Variants in LTBP1 observed in about 807,000 individuals in gnomAD.
LTBP1 encodes the protein latent transforming growth factor beta binding protein 1.
In LTBP1, 129 loss-of-function variants were observed where a neutral mutation model predicts 207.6. The observed-to-expected ratio is 0.62, with a 90% CI of 0.54 to 0.72. The LOEUF is 0.72. LTBP1 is among the 30% of genes least tolerant of loss of function. The probability of loss-of-function intolerance (pLI) is 0.00; values close to 1 mark genes in which losing one functional copy is unlikely to be tolerated. For synonymous variants in LTBP1, 963 were observed against 833.7 expected (o/e 1.16, Z -2.67); for missense variants, 2,281 against 2,217.2 (o/e 1.03, Z -0.58).
intron 5 of LTBP1, among the ~76,000 whole-genome samples, chr2:33,174,293 G>A (rs1000293163): frequency 1.3e-5 from 2 of 151,024 alleles, no homozygotes; most frequent in Non-Finnish European, 3.0e-5. Context: ...AAGCTGATAA[G>A]CAACTTCAGC....
At chr2:33,238,673 C>T (rs1025387923) in intron 9 of LTBP1, among the ~76,000 whole-genome samples, 1 of 152,132 alleles carries the variant, frequency 6.6e-6, no homozygotes, top group Non-Finnish European at 1.5e-5. Context: ...GTGGAATATT[C>T]CTCCTATTAT....
chr2:32,950,230 A>G (rs1033250206), intron 2 of LTBP1, among the ~76,000 whole-genome samples: 1 of 152,184 alleles, frequency 6.6e-6, no homozygotes, highest in Non-Finnish European at 1.5e-5. Context: ...TAACAGCACC[A>G]CTGCAATGGG....
intron 23 of LTBP1, among the ~76,000 whole-genome samples, chr2:33,310,212 C>T (rs570040070): frequency 6.6e-6 from 1 of 152,274 alleles, no homozygotes; most frequent in East Asian, 1.9e-4. Context: ...CTCCAAAATG[C>T]TGGGATTACA....
chr2:33,005,484 A>T (rs1423963750), intron 2 of LTBP1, among the ~76,000 whole-genome samples: 2 of 151,708 alleles, frequency 1.3e-5, no homozygotes, highest in African/African-American at 4.9e-5. Flanking sequence ...TTGCTGCCTG[A>T]CCTTCCTGAT....
At chr2:32,964,823 A>G (rs1323844812) in intron 2 of LTBP1, among the ~76,000 whole-genome samples, 1 of 152,044 alleles carries the variant, frequency 6.6e-6, no homozygotes, top group Non-Finnish European at 1.5e-5. Flanking sequence ...CGGGCGGATC[A>G]TGAGGTCAAG....
chr2:33,347,022 G>A (rs1391089870), intron 25 of LTBP1, among the ~76,000 whole-genome samples: 1 of 149,946 alleles, frequency 6.7e-6, no homozygotes, highest in Non-Finnish European at 1.5e-5. Context: ...GGAGGCTGAG[G>A]CAGGAGAATG....
chr2:33,316,319 G>A (rs1336276594), intron 24 of LTBP1, among the ~76,000 whole-genome samples: 7 of 152,032 alleles, frequency 4.6e-5, no homozygotes, highest in African/African-American at 1.7e-4. Flanking sequence ...TTTTGTTCTG[G>A]GTCTAACATA....
intron 3 of LTBP1, among the ~76,000 whole-genome samples, chr2:33,036,100 C>G (rs900434093): frequency 6.6e-6 from 1 of 152,150 alleles, no homozygotes; most frequent in East Asian, 1.9e-4. Context: ...TTTTCTTGCT[C>G]AAGGTGTTTT....
intron 20 of LTBP1, among the ~76,000 whole-genome samples, chr2:33,294,760 G>A (rs754236859): frequency 1.3e-5 from 2 of 151,574 alleles, no homozygotes; most frequent in Non-Finnish European, 2.9e-5. Context: ...TGTATTTTTA[G>A]TAAAGACGAG....
At chr2:33,090,770 A>G (rs564797302) in intron 3 of LTBP1, among the ~76,000 whole-genome samples, 60 of 152,290 alleles carry the variant, frequency 3.9e-4, no homozygotes, top group Middle Eastern at 3.4e-3. Flanking sequence ...CTTAACTCTA[A>G]AGTCCAACTA....
chr2:33,239,355 T>C (rs1382600859), intron 9 of LTBP1, among the ~76,000 whole-genome samples: 1 of 152,180 alleles, frequency 6.6e-6, no homozygotes, highest in African/African-American at 2.4e-5. Flanking sequence ...GGTGACTGGC[T>C]GTATGTGGGT....
At chr2:33,252,627 A>T (rs140414034) in intron 10 of LTBP1, 50 bp from the exon 11 acceptor site, 29 of 1,523,910 alleles carry the variant, frequency 1.9e-5, no homozygotes, top group Admixed American at 1.8e-4. Flanking sequence ...TGGAAAGCCA[A>T]TGTAGTTTTG....
intron 5 of LTBP1, among the ~76,000 whole-genome samples, chr2:33,137,102 G>T (rs2082201654): frequency 6.6e-6 from 1 of 152,104 alleles, no homozygotes; most frequent in Non-Finnish European, 1.5e-5. Flanking sequence ...TTTAAGAATG[G>T]TAATTTTATA....
rs70938398 is a variant in LTBP1, at chr2:33,382,074, C to CTTTTTTTTT, written c.4712-7080_4712-7072dup. ...TACAGCAGTTAGCGCCCTACTGCTT[C>CTTTTTTTTT]TTTTTTTTTTTTTTTTTTTTTTTTT... On this transcript the variant is annotated intron_variant, in intron 31 of 33. Transcript: ENST00000404816. Among the ~76,000 whole-genome samples, 122 of 46,778 alleles carry CTTTTTTTTT rather than the reference C, an allele frequency of 2.6e-3. 44 individuals carry two copies. Among genetic ancestry groups the CTTTTTTTTT allele is most frequent in the Non-Finnish European group, 3.4e-3 (86 of 24,950 alleles). 30.7% of individuals were successfully genotyped at this position (46,778 alleles called of 152,430 possible).
chr2:33,044,008 ACT>A (rs1304461267), intron 3 of LTBP1, among the ~76,000 whole-genome samples: 2 of 149,844 alleles, frequency 1.3e-5, no homozygotes, highest in Admixed American at 6.6e-5. Context: ...TGACTCTTAG[ACT>A]CTATATTCAC....
chr2:33,220,170 C>T (rs1298660882), intron 8 of LTBP1, among the ~76,000 whole-genome samples: 1 of 152,190 alleles, frequency 6.6e-6, no homozygotes, highest in East Asian at 1.9e-4. Flanking sequence ...TGTTTGTGTC[C>T]TCTTAAGTGA....
chr2:32,975,648 A>C (rs925153707), intron 2 of LTBP1, among the ~76,000 whole-genome samples: 11 of 111,652 alleles, frequency 9.9e-5, no homozygotes, highest in Non-Finnish European at 1.7e-4. Context: ...TCAGAGAATC[A>C]GTGTTCAGGC....
intron 3 of LTBP1, among the ~76,000 whole-genome samples, chr2:33,053,758 G>C (rs1361966892): frequency 6.6e-6 from 1 of 152,194 alleles, no homozygotes; most frequent in Non-Finnish European, 1.5e-5. Flanking sequence ...TATTTGACCT[G>C]CTGTAGGCAA....
intron 5 of LTBP1, among the ~76,000 whole-genome samples, chr2:33,172,474 C>A (rs2085554101): frequency 6.6e-6 from 1 of 152,134 alleles, no homozygotes; most frequent in Non-Finnish European, 1.5e-5. Flanking sequence ...TATATATGCA[C>A]CAAAAACAGG....
Sources: allele counts gnomAD v4.1 joint callset (sites outside exome capture counted in the v4.1 genomes callset), GRCh38; gene constraint gnomAD v4.1.1; transcripts MANE v1.5; gene names NCBI Gene and HGNC (gene_info 2026-07-23, HGNC 2026-07-21).